DYNLRB1: variants seen among roughly 807,000 people sequenced by gnomAD.
DYNLRB1 encodes the protein ROBL/LC7-like 1.
Under a neutral mutation model 13.5 loss-of-function variants are expected in DYNLRB1, and 6 were observed. The ratio of observed to expected loss-of-function variants is 0.44; its 90% CI spans 0.24 to 0.88. DYNLRB1 has a LOEUF of 0.88. DYNLRB1 is among the 40% of genes least tolerant of loss of function. DYNLRB1 has a pLI of 0.21. For synonymous variants in DYNLRB1, 43 were observed against 45.0 expected (o/e 0.96, Z 0.18); for missense variants, 93 against 127.2 (o/e 0.73, Z 1.29).
intron 3 of DYNLRB1, chr20:34,536,617 C>A: frequency 3.2e-6 from 1 of 310,466 alleles, no homozygotes; most frequent in Non-Finnish European, 4.7e-6. Context: ...TGGTGGCGCA[C>A]ACCTGTAATC....
At chr20:34,526,839 T>C (rs1267839403) in intron 2 of DYNLRB1, among the ~76,000 whole-genome samples, 1 of 152,240 alleles carries the variant, frequency 6.6e-6, no homozygotes, top group Admixed American at 6.5e-5. Flanking sequence ...TTGTTGTTTC[T>C]ACTTTTTAGT....
chr20:34,521,430 C>G (rs1010035824), intron 1 of DYNLRB1, among the ~76,000 whole-genome samples: 1 of 151,776 alleles, frequency 6.6e-6, no homozygotes, highest in African/African-American at 2.4e-5. Context: ...TGCTATTGTT[C>G]TTAGTCATTT....
chr20:34,534,002 G>A (rs1743214129), intron 2 of DYNLRB1, among the ~76,000 whole-genome samples: 1 of 151,814 alleles, frequency 6.6e-6, no homozygotes, highest in African/African-American at 2.4e-5. Flanking sequence ...CTAGCTGGGT[G>A]CTGTGGCACG....
intron 3 of DYNLRB1, among the ~76,000 whole-genome samples, chr20:34,537,979 A>G (rs1433613748): frequency 1.8e-5 from 2 of 113,060 alleles, no homozygotes; most frequent in Admixed American, 2.1e-4. Flanking sequence ...CGCCCACGTG[A>G]ACAGGCTTTT....
intron 1 of DYNLRB1, among the ~76,000 whole-genome samples, chr20:34,518,122 GTTGTTT>G (rs1421463816): frequency 6.6e-6 from 1 of 151,270 alleles, no homozygotes. Context: ...CGTTTTTGTT[GTTGTTT>G]TTGTTTTGTT....
At chr20:34,525,979 G>A (rs988750573) in intron 1 of DYNLRB1, among the ~76,000 whole-genome samples, 2 of 152,218 alleles carry the variant, frequency 1.3e-5, no homozygotes, top group African/African-American at 4.8e-5. Flanking sequence ...CATGGGAATG[G>A]TGTTTATATT....
At chr20:34,539,919 A>G (rs544694202) in intron 3 of DYNLRB1, among the ~76,000 whole-genome samples, 2 of 152,208 alleles carry the variant, frequency 1.3e-5, no homozygotes, top group South Asian at 4.1e-4. Flanking sequence ...GCAGCGAGTC[A>G]TGATCGCACC....
At chr20:34,528,961 A>G (rs1980479669) in intron 2 of DYNLRB1, among the ~76,000 whole-genome samples, 1 of 152,048 alleles carries the variant, frequency 6.6e-6, no homozygotes, top group Non-Finnish European at 1.5e-5. Flanking sequence ...GCACTCCAGC[A>G]CAGAGCAAGA....
At chr20:34,537,823 C>T (rs148162630) in intron 3 of DYNLRB1, among the ~76,000 whole-genome samples, 235 of 152,182 alleles carry the variant, frequency 1.5e-3, no homozygotes, top group South Asian at 4.6e-3. Flanking sequence ...CAGCCTGGCC[C>T]GGGAGGGAGA....
At chr20:34,540,070 C>T (rs1046528100) in intron 3 of DYNLRB1, among the ~76,000 whole-genome samples, 3 of 152,204 alleles carry the variant, frequency 2.0e-5, no homozygotes, top group Non-Finnish European at 4.4e-5. Flanking sequence ...AGCTGGGTAA[C>T]CTTAAGCCAG....
chr20:34,517,041 C>T (rs1391657110), intron 1 of DYNLRB1, among the ~76,000 whole-genome samples: 2 of 151,912 alleles, frequency 1.3e-5, no homozygotes, highest in East Asian at 1.9e-4. Context: ...GGACTGGGTG[C>T]CAGAGTCAGG....
chr20:34,529,448 G>C (rs1463949511), intron 2 of DYNLRB1, among the ~76,000 whole-genome samples: 1 of 152,322 alleles, frequency 6.6e-6, no homozygotes, highest in South Asian at 2.1e-4. Context: ...TTGATTTCCA[G>C]CCAGGCGTGG....
chr20:34,537,405 C>T (rs1404257727), intron 3 of DYNLRB1, among the ~76,000 whole-genome samples: 2 of 152,146 alleles, frequency 1.3e-5, no homozygotes, highest in African/African-American at 4.8e-5. Context: ...GGCTTGTAAG[C>T]ACATAGTAAG....
In DYNLRB1 at chr20:34,540,875, C is replaced by T. The variant is rs1462796921; in HGVS notation, c.*251C>T. ...AGCAAGAGCTTGCAGGAAGCCCGCA[C>T]CCAGCTTCCTTCTGACCTTCAGTTC... On this transcript the variant is annotated 3_prime_UTR_variant, in exon 4 of 4. Coordinates refer to ENST00000357156, the MANE Select transcript of DYNLRB1 (RefSeq NM_014183.4). 1 of 462,646 alleles carries T rather than the reference C, an allele frequency of 2.2e-6. No homozygotes were observed. Among genetic ancestry groups the T allele is most frequent in the Non-Finnish European group, 3.8e-6 (1 of 263,774 alleles). The allele number at this position is 462,646 out of a possible 1,614,324, so 28.7% of individuals were successfully genotyped here.
intron 2 of DYNLRB1, among the ~76,000 whole-genome samples, chr20:34,527,838 A>G (rs973030656): frequency 6.6e-6 from 1 of 152,118 alleles, no homozygotes; most frequent in Non-Finnish European, 1.5e-5. Flanking sequence ...ACTGCCTCAG[A>G]TCATGTTTTC....
chr20:34,534,991 C>A lies in DYNLRB1; in HGVS notation c.247+196C>A, dbSNP rs1245701909. ...TAGCAGATCCTCCCAGGGACCGGCC[C>A]CAGAGGGTAACCCCAGTCTCCTGAG... On this transcript the variant is annotated intron_variant, in intron 3 of 3. Coordinates refer to ENST00000357156, the MANE Select transcript of DYNLRB1 (RefSeq NM_014183.4). The A allele has an allele frequency of 9.1e-6, 13 of 1,431,440 alleles. No individual in the cohort carries two copies. The South Asian group carries it at 1.5e-4, about 16-fold the overall frequency. The allele number at this position is 1,431,440 out of a possible 1,614,324, so 88.7% of individuals were successfully genotyped here.
In DYNLRB1 at chr20:34,523,842, G is replaced by A. The variant is rs186407478; in HGVS notation, c.4-2426G>A. On this transcript the variant is annotated intron_variant, in intron 1 of 3. Transcript: ENST00000357156. Reference sequence around the variant, plus strand: ...AACAATGTCTGGCATATGGAAGGTTGCCATGTAGTTACTAAATGAATAGCA... The same window carrying A: ...AACAATGTCTGGCATATGGAAGGTTACCATGTAGTTACTAAATGAATAGCA... Among the ~76,000 whole-genome samples the A allele has an allele frequency of 8.5e-5, 13 of 152,306 alleles. No homozygotes were observed. The East Asian group carries it at 2.3e-3, about 27-fold the overall frequency.
At chr20:34,522,399 C>G (rs1324512689) in intron 1 of DYNLRB1, among the ~76,000 whole-genome samples, 1 of 151,798 alleles carries the variant, frequency 6.6e-6, no homozygotes, top group Non-Finnish European at 1.5e-5. Flanking sequence ...ACCTATGTGT[C>G]CTCCCATTCC....
At chr20:34,528,691 C>CGT (rs1461682020) in intron 2 of DYNLRB1, among the ~76,000 whole-genome samples, 2 of 152,110 alleles carry the variant, frequency 1.3e-5, no homozygotes, top group African/African-American at 4.8e-5. Flanking sequence ...AATGGCTGGG[C>CGT]GTGGTGCATG....
Sources: gnomAD v4.1 joint callset for allele counts (sites outside exome capture counted in the v4.1 genomes callset) on GRCh38, gnomAD v4.1.1 for gene constraint, MANE v1.5 for transcripts, NCBI Gene and HGNC (gene_info 2026-07-23, HGNC 2026-07-21) for gene names.